The following PDE4D variants were observed in gnomAD, a reference collection of about 807,000 sequenced individuals.
PDE4D encodes phosphodiesterase 4D.
PDE4D carries 24 observed loss-of-function variants against 87.4 expected under a neutral mutation model. That is an observed-to-expected ratio of 0.27 (90% CI 0.20 to 0.39). PDE4D has a LOEUF of 0.39. Among genes scored for constraint, PDE4D ranks in the 10% least tolerant of loss-of-function variants. The probability of loss-of-function intolerance (pLI) is 1.00; values close to 1 mark genes in which losing one functional copy is unlikely to be tolerated. For missense variants in PDE4D, 714 were observed against 1,041.0 expected (o/e 0.69, Z 4.32); for synonymous variants, 384 against 383.2 (o/e 1.00, Z -0.02).
At chr5:60,280,899 G>A (rs770291965) in intron 1 of PDE4D, among the ~76,000 whole-genome samples, 2 of 152,074 alleles carry the variant, frequency 1.3e-5, no homozygotes, top group Non-Finnish European at 2.9e-5. Context: ...GTAATTCTTA[G>A]GCCACAAATC....
chr5:59,692,148 T>A (rs1438020946), intron 1 of PDE4D, among the ~76,000 whole-genome samples: 1 of 152,170 alleles, frequency 6.6e-6, no homozygotes, highest in Non-Finnish European at 1.5e-5. Context: ...ACGTAGAATA[T>A]CCTTTGTTCC....
intron 1 of PDE4D, among the ~76,000 whole-genome samples, chr5:59,414,117 C>G (rs1395375574): frequency 6.6e-6 from 1 of 152,198 alleles, no homozygotes; most frequent in East Asian, 1.9e-4. Flanking sequence ...TATGACTGTA[C>G]TGAAAGTAAC....
At chr5:59,125,339 G>A in intron 5 of PDE4D, 1 of 895,398 alleles carries the variant, frequency 1.1e-6, no homozygotes, top group Non-Finnish European at 1.3e-6. Context: ...CACCTGAAAA[G>A]GATTAAATTA....
intron 1 of PDE4D, among the ~76,000 whole-genome samples, chr5:59,335,040 ATTGGTTC>A (rs1777428306): frequency 6.6e-6 from 1 of 152,038 alleles, no homozygotes; most frequent in Non-Finnish European, 1.5e-5. Context: ...CATCATATTA[ATTGGTTC>A]TCTCCTTTCC....
intron 1 of PDE4D, among the ~76,000 whole-genome samples, chr5:59,781,848 C>G (rs935933147): frequency 2.3e-4 from 34 of 145,698 alleles, no homozygotes; most frequent in Admixed American, 2.1e-4. Flanking sequence ...TGCTGATTTC[C>G]ATTTCCATTG....
intron 1 of PDE4D, among the ~76,000 whole-genome samples, chr5:59,379,791 T>C (rs1404189533): frequency 1.3e-5 from 2 of 152,076 alleles, no homozygotes; most frequent in Non-Finnish European, 2.9e-5. Flanking sequence ...AATCCAAATA[T>C]CTACAAGCAG....
At chr5:59,610,381 A>G (rs983370642) in intron 1 of PDE4D, among the ~76,000 whole-genome samples, 1 of 152,172 alleles carries the variant, frequency 6.6e-6, no homozygotes, top group African/African-American at 2.4e-5. Flanking sequence ...ATTACTAATT[A>G]ATTATGTGTT....
chr5:59,363,429 C>G (rs1359212143), intron 1 of PDE4D, among the ~76,000 whole-genome samples: 1 of 152,032 alleles, frequency 6.6e-6, no homozygotes, highest in African/African-American at 2.4e-5. Flanking sequence ...AATTGAGGTC[C>G]CTCTTAATTG....
chr5:59,977,144 A>G (rs568326952), intron 3 of PDE4D, among the ~76,000 whole-genome samples: 30 of 152,370 alleles, frequency 2.0e-4, no homozygotes, highest in Admixed American at 2.0e-3. Flanking sequence ...AATAAGGCTT[A>G]GTGAGGAAGA....
chr5:60,284,639 T>G (rs912116721), intron 1 of PDE4D, among the ~76,000 whole-genome samples: 1 of 152,168 alleles, frequency 6.6e-6, no homozygotes, highest in East Asian at 1.9e-4. Context: ...CAGGACAGCC[T>G]CCCCATCACT....
At chr5:59,337,225 C>T (rs1267706599) in intron 1 of PDE4D, among the ~76,000 whole-genome samples, 1 of 151,978 alleles carries the variant, frequency 6.6e-6, no homozygotes, top group Non-Finnish European at 1.5e-5. Context: ...GTAAACCAAG[C>T]TTGCATGCTT....
intron 3 of PDE4D, among the ~76,000 whole-genome samples, chr5:59,956,227 G>A (rs1758816432): frequency 6.6e-6 from 1 of 152,078 alleles, no homozygotes; most frequent in Admixed American, 6.5e-5. Flanking sequence ...AGTTTTGTGT[G>A]GGCCCAGAAA....
chr5:59,486,625 T>C (rs1202246066), intron 1 of PDE4D, among the ~76,000 whole-genome samples: 1 of 152,204 alleles, frequency 6.6e-6, no homozygotes, highest in African/African-American at 2.4e-5. Context: ...TGAAGAAATG[T>C]AGACCCATAG....
chr5:59,119,737 A>G (rs893185608), intron 5 of PDE4D, among the ~76,000 whole-genome samples: 1 of 152,226 alleles, frequency 6.6e-6, no homozygotes, highest in Admixed American at 6.5e-5. Context: ...TAGAGGAAAC[A>G]TTCTATGATC....
intron 1 of PDE4D, among the ~76,000 whole-genome samples, chr5:59,770,790 G>T (rs1763356223): frequency 6.6e-6 from 1 of 152,052 alleles, no homozygotes; most frequent in African/African-American, 2.4e-5. Context: ...AAACATTTAT[G>T]GGCATTTATT....
At chr5:59,995,264 G>C (rs1763413075) in intron 2 of PDE4D, among the ~76,000 whole-genome samples, 1 of 151,568 alleles carries the variant, frequency 6.6e-6, no homozygotes, top group Non-Finnish European at 1.5e-5. Flanking sequence ...TTAAAACCTA[G>C]GCATTGTCCA....
chr5:60,516,993 C>T (rs1027458947), intron 1 of PDE4D, among the ~76,000 whole-genome samples: 22 of 152,180 alleles, frequency 1.4e-4, no homozygotes, highest in Admixed American at 2.6e-4. Flanking sequence ...CCAGGCATCC[C>T]TGTACTCTCA....
chr5:60,241,966 T>C (rs1035819485), intron 1 of PDE4D, among the ~76,000 whole-genome samples: 11 of 152,156 alleles, frequency 7.2e-5, no homozygotes, highest in Non-Finnish European at 1.5e-4. Flanking sequence ...AGCAGACTTT[T>C]CAGTGAAACC....
At chr5:59,672,692 A>T (rs1237052101) in intron 1 of PDE4D, among the ~76,000 whole-genome samples, 2 of 152,208 alleles carry the variant, frequency 1.3e-5, no homozygotes, top group African/African-American at 4.8e-5. Context: ...TCCAGAGTGT[A>T]TCACAAATTA....
Sources: allele counts gnomAD v4.1 joint callset (sites outside exome capture counted in the v4.1 genomes callset), GRCh38; gene constraint gnomAD v4.1.1; transcripts MANE v1.5; gene names NCBI Gene and HGNC (gene_info 2026-07-23, HGNC 2026-07-21).